The following GLRA3 variants were observed in gnomAD, a reference collection of about 807,000 sequenced individuals.
GLRA3 encodes the protein glycine receptor alpha 3.
A neutral mutation model predicts 60.4 loss-of-function variants in GLRA3; 44 were observed. That is an observed-to-expected ratio of 0.73 (90% CI 0.57 to 0.94). The LOEUF (loss-of-function observed/expected upper bound fraction) is 0.94, where lower values mean the gene tolerates loss of function less well. Ranked by LOEUF, GLRA3 falls within the 40% of genes least tolerant of loss-of-function variation. The pLI, the probability that GLRA3 is intolerant of heterozygous loss-of-function variation, is 0.00. For synonymous variants in GLRA3, 223 were observed against 192.9 expected (o/e 1.16, Z -1.29); for missense variants, 508 against 564.6 (o/e 0.90, Z 1.02).
At chr4:174,730,998 C>G (rs1736526406) in intron 3 of GLRA3, among the ~76,000 whole-genome samples, 1 of 152,122 alleles carries the variant, frequency 6.6e-6, no homozygotes, top group African/African-American at 2.4e-5. Context: ...TTGACATTCT[C>G]ACTCCTAAAC....
At chr4:174,810,049 T>C (rs1740199635) in intron 1 of GLRA3, among the ~76,000 whole-genome samples, 1 of 152,158 alleles carries the variant, frequency 6.6e-6, no homozygotes, top group Admixed American at 6.6e-5. Context: ...AAATGTACAA[T>C]GTGTCGAGCA....
chr4:174,731,496 C>T (rs983472449), intron 3 of GLRA3, among the ~76,000 whole-genome samples: 1 of 152,172 alleles, frequency 6.6e-6, no homozygotes, highest in Non-Finnish European at 1.5e-5. Context: ...TACATCTCTA[C>T]ATGACGCTAC....
intron 3 of GLRA3, among the ~76,000 whole-genome samples, chr4:174,741,205 G>A (rs570515241): frequency 1.3e-5 from 2 of 152,252 alleles, no homozygotes; most frequent in African/African-American, 4.8e-5. Context: ...TTATATATGA[G>A]AGTTACAGTT....
intron 5 of GLRA3, among the ~76,000 whole-genome samples, chr4:174,698,026 A>C (rs1735131725): frequency 6.6e-6 from 1 of 152,152 alleles, no homozygotes; most frequent in Non-Finnish European, 1.5e-5. Flanking sequence ...GGAGGTTCAG[A>C]TCTGCTCAAA....
At chr4:174,672,266 C>T (rs72706144) in intron 7 of GLRA3, among the ~76,000 whole-genome samples, 3,497 of 152,240 alleles carry the variant, frequency 0.023, 66 homozygotes, top group Non-Finnish European at 0.034. Context: ...ATCCCTTCCA[C>T]CCCTCTTGTT....
At chr4:174,746,839 T>C (rs1382936443) in intron 3 of GLRA3, among the ~76,000 whole-genome samples, 1 of 152,122 alleles carries the variant, frequency 6.6e-6, no homozygotes, top group East Asian at 1.9e-4. Flanking sequence ...AATAAATATG[T>C]AAATCATTAT....
intron 1 of GLRA3, among the ~76,000 whole-genome samples, chr4:174,790,882 T>TA (rs1739318976): frequency 6.8e-6 from 1 of 146,958 alleles, no homozygotes; most frequent in Non-Finnish European, 1.5e-5. Flanking sequence ...CGGGCTCCTG[T>TA]AGTCCCAGCT....
In GLRA3 at chr4:174,798,792, T is replaced by C. The variant is rs538827701; in HGVS notation, c.72-9849A>G. 5.5e-4 allele frequency among the ~76,000 whole-genome samples: 84 copies of C among 152,128 alleles called. 1 individual carries two copies. The highest frequency in any genetic ancestry group is 1.6e-3 in the Admixed American group (24 of 15,288). ...ACAAAAAATTAGCTGGGTGTGGTGG[T>C]GAGCGCCTGTAGTCCCAGCTACTCG... is the stretch of plus-strand genomic sequence containing the variant. On this transcript the variant is annotated intron_variant, in intron 1 of 9. Coordinates refer to ENST00000274093, the MANE Select transcript of GLRA3 (RefSeq NM_006529.4).
At chr4:174,785,237 TA>T (rs979451337) in intron 2 of GLRA3, among the ~76,000 whole-genome samples, 5 of 152,126 alleles carry the variant, frequency 3.3e-5, no homozygotes, top group Non-Finnish European at 5.9e-5. Flanking sequence ...AATCTACTTC[TA>T]AATTTTTGTA....
rs1426057628 is a variant in GLRA3, at chr4:174,643,917, T to C, written c.1264A>G (p.Ile422Val). Residue 422 changes from isoleucine to valine, a missense_variant, in exon 10 of 10, where the codon ATC (isoleucine) becomes GTC (valine). By Grantham distance (29) the Ile-to-Val change is conservative. This residue lies in a region of GLRA3 where 176 missense variants were observed against 197.9 expected (regional missense o/e 0.89). Coordinates refer to ENST00000274093, the MANE Select transcript of GLRA3 (RefSeq NM_006529.4). ...GTATCAATCTTCTTGGCCCGGTCGA[T>C]AAAGACCTTCCTCATTTCATCAGGA... ...KSPDEMRKVFIDRAKKIDTIS... is the reference protein window; with the variant it reads ...KSPDEMRKVFVDRAKKIDTIS... 7.4e-6 allele frequency: 12 copies of C among 1,614,128 alleles called. No homozygotes were observed. The highest frequency in any genetic ancestry group is 2.2e-5 in the East Asian group (1 of 44,870).
chr4:174,778,821 A>AC (rs1208205359), intron 2 of GLRA3, among the ~76,000 whole-genome samples: 3 of 152,034 alleles, frequency 2.0e-5, no homozygotes, highest in Non-Finnish European at 4.4e-5. Flanking sequence ...GGAGGGTCCT[A>AC]CCCCACGGAG....
chr4:174,821,088 C>A (rs1245734242), intron 1 of GLRA3, among the ~76,000 whole-genome samples: 1 of 152,078 alleles, frequency 6.6e-6, no homozygotes, highest in East Asian at 1.9e-4. Flanking sequence ...ACAAAGTCAA[C>A]AGAGTCTAAA....
At chr4:174,747,134 TGAA>T (rs1428027942) in intron 3 of GLRA3, among the ~76,000 whole-genome samples, 1 of 152,214 alleles carries the variant, frequency 6.6e-6, no homozygotes, top group Non-Finnish European at 1.5e-5. Flanking sequence ...GCTCTTTCCT[TGAA>T]GAAGAATTAT....
chr4:174,650,340 G>A (rs1196005609), intron 9 of GLRA3, among the ~76,000 whole-genome samples: 1 of 152,148 alleles, frequency 6.6e-6, no homozygotes, highest in East Asian at 1.9e-4. Context: ...TCTAAAGCAC[G>A]CAGTAGCCAA....
At chr4:174,799,303 A>C (rs1173212230) in intron 1 of GLRA3, among the ~76,000 whole-genome samples, 3 of 152,226 alleles carry the variant, frequency 2.0e-5, no homozygotes, top group Admixed American at 6.5e-5. Flanking sequence ...AAAACAAACC[A>C]AAGCTTCCGC....
At chr4:174,675,457 G>A (rs1207346506) in intron 7 of GLRA3, among the ~76,000 whole-genome samples, 1 of 151,930 alleles carries the variant, frequency 6.6e-6, no homozygotes, top group East Asian at 1.9e-4. Flanking sequence ...ACGTCTTTCT[G>A]TTGTGCCTTG....
chr4:174,643,877 C>G lies in GLRA3; in HGVS notation c.1304G>C (p.Cys435Ser), dbSNP rs1360192290. ...AAAAATCAAAAAAGCTAATGGGAAGCAGGCTCGGGAGATGGTATCAATCTT... is the reference window on the plus strand; with the variant it reads ...AAAAATCAAAAAAGCTAATGGGAAGGAGGCTCGGGAGATGGTATCAATCTT... ...AKKIDTISRACFPLAFLIFNI... is the reference protein window; with the variant it reads ...AKKIDTISRASFPLAFLIFNI... The change falls in exon 10 of 10, where the codon TGC (cysteine) becomes TCC (serine). Residue 435 changes from cysteine (C) to serine (S), a missense_variant. Around this residue, in one of 3 missense-constraint regions of GLRA3, gnomAD observed 176 missense variants for 197.9 expected, o/e 0.89. Transcript: ENST00000274093. The G allele has an allele frequency of 6.2e-7, 1 of 1,614,054 alleles. No homozygotes were observed. Among genetic ancestry groups the G allele is most frequent in the African/African-American group, 1.3e-5 (1 of 75,022 alleles).
chr4:174,699,792 AT>A (rs1735226979), intron 5 of GLRA3, among the ~76,000 whole-genome samples: 6 of 124,634 alleles, frequency 4.8e-5, no homozygotes, highest in Non-Finnish European at 8.5e-5. Context: ...ATTTAACATT[AT>A]TTGTTAATTA....
chr4:174,728,509 T>C lies in GLRA3; in HGVS notation c.457A>G (p.Ile153Val). 6.2e-7 allele frequency: 1 copy of C among 1,609,410 alleles called. No individual in the cohort carries two copies. The highest frequency in any genetic ancestry group is 1.1e-5 in the South Asian group (1 of 90,794). The change falls in exon 4 of 10, where the codon ATT becomes GTT. Residue 153 changes from isoleucine to valine, a missense_variant. By Grantham distance (29) the Ile-to-Val change is conservative. This residue lies in a region of GLRA3 where 329 missense variants were observed against 349.3 expected (regional missense o/e 0.94). Transcript: ENST00000274093. ...EVTTDNKLLRIFKNGNVLYSI... is the reference protein window; with the variant it reads ...EVTTDNKLLRVFKNGNVLYSI... ...TAAAGAACATTTCCATTTTTGAAAA[T>C]TCTTAGCAATTTGTTGTCTGTAGTG...
Sources: allele counts gnomAD v4.1 joint callset (sites outside exome capture counted in the v4.1 genomes callset), GRCh38; gene constraint gnomAD v4.1.1; regional missense constraint gnomAD v4.1.1; transcripts MANE v1.5; gene names NCBI Gene and HGNC (gene_info 2026-07-23, HGNC 2026-07-21).